The following PRKAR2A variants were observed in gnomAD, a reference collection of about 807,000 sequenced individuals.
PRKAR2A encodes the protein cAMP-dependent protein kinase type II-alpha regulatory subunit.
In PRKAR2A, 29 loss-of-function variants were observed where a neutral mutation model predicts 51.9. The observed-to-expected ratio is 0.56, with a 90% confidence interval of 0.42 to 0.76. The LOEUF is 0.76. Ranked by LOEUF, PRKAR2A falls within the 30% of genes least tolerant of loss-of-function variation. PRKAR2A has a pLI of 0.00. For synonymous variants in PRKAR2A, 178 were observed against 186.2 expected (o/e 0.96, Z 0.36); for missense variants, 445 against 512.1 (o/e 0.87, Z 1.26).
chr3:48,786,550 C>T (rs1002595207), intron 4 of PRKAR2A, among the ~76,000 whole-genome samples: 2 of 150,562 alleles, frequency 1.3e-5, no homozygotes, highest in African/African-American at 2.4e-5. Context: ...GTAATCCCAG[C>T]ACTTTGGGAG....
At chr3:48,813,910 G>A (rs1027380454) in intron 1 of PRKAR2A, among the ~76,000 whole-genome samples, 1 of 151,950 alleles carries the variant, frequency 6.6e-6, no homozygotes, top group African/African-American at 2.4e-5. Context: ...GATCACCTGA[G>A]GTCAGGAGTT....
intron 5 of PRKAR2A, among the ~76,000 whole-genome samples, chr3:48,773,574 G>A (rs1226733157): frequency 2.6e-5 from 4 of 151,680 alleles, no homozygotes; most frequent in Non-Finnish European, 1.5e-5. Context: ...TCCTGGCTTC[G>A]TGATCCGCCC....
intron 1 of PRKAR2A, among the ~76,000 whole-genome samples, chr3:48,844,695 G>C (rs2083433650): frequency 6.6e-6 from 1 of 150,946 alleles, no homozygotes; most frequent in African/African-American, 2.4e-5. Flanking sequence ...TAGGGACATG[G>C]ATGAAATTGG....
At chr3:48,793,145 G>A (rs996500027) in intron 3 of PRKAR2A, among the ~76,000 whole-genome samples, 3 of 151,712 alleles carry the variant, frequency 2.0e-5, no homozygotes, top group Non-Finnish European at 4.4e-5. Flanking sequence ...TTTACGAAAT[G>A]CTCTATAAAA....
chr3:48,831,365 C>CTTTT (rs539375236), intron 1 of PRKAR2A, among the ~76,000 whole-genome samples: 8 of 126,340 alleles, frequency 6.3e-5, no homozygotes, highest in African/African-American at 1.2e-4. Flanking sequence ...TCCAAAATAT[C>CTTTT]TTTTTTTTTT....
chr3:48,756,571 G>T, intron 8 of PRKAR2A, 127 bp from the exon 9 acceptor site: 1 of 687,546 alleles, frequency 1.5e-6, no homozygotes, highest in Non-Finnish European at 2.5e-6. Flanking sequence ...TGAATCAATA[G>T]TAAACAAATT....
At chr3:48,777,463 T>C (rs1472977025) in intron 5 of PRKAR2A, among the ~76,000 whole-genome samples, 2 of 152,194 alleles carry the variant, frequency 1.3e-5, no homozygotes, top group East Asian at 1.9e-4. Context: ...TGGAGTGCAG[T>C]GGCATGATCT....
rs570402036 is a variant in PRKAR2A, at chr3:48,764,070, C to T, written c.873+934G>A. ...CTGACCAATCTGAGCCTTTCCTCCT[C>T]GTAGTCTCAGTACTGGGTTCTAGGA... On this transcript the variant is annotated intron_variant, in intron 8 of 10. Transcript: ENST00000265563. Among the ~76,000 whole-genome samples, 37 of 152,294 alleles carry T rather than the reference C, an allele frequency of 2.4e-4. No homozygotes were observed. The South Asian group carries it at 7.5e-3, about 31-fold the overall frequency.
intron 9 of PRKAR2A, among the ~76,000 whole-genome samples, chr3:48,753,658 G>A (rs780433081): frequency 3.0e-4 from 46 of 152,166 alleles, no homozygotes; most frequent in Non-Finnish European, 6.2e-4. Context: ...ACCAGCTCCC[G>A]TATTACGCAG....
At chr3:48,785,906 T>C (rs2082283980) in intron 4 of PRKAR2A, among the ~76,000 whole-genome samples, 1 of 152,178 alleles carries the variant, frequency 6.6e-6, no homozygotes, top group Admixed American at 6.6e-5. Context: ...TGGGTATTCA[T>C]GTTATTATTC....
At chr3:48,840,140 C>A (rs2083353636) in intron 1 of PRKAR2A, among the ~76,000 whole-genome samples, 2 of 152,108 alleles carry the variant, frequency 1.3e-5, no homozygotes, top group African/African-American at 4.8e-5. Flanking sequence ...TTGTATCTGG[C>A]TCATTTCATT....
Position 48,782,002 on chromosome 3 carries a change from T to TA in PRKAR2A, c.542+983dup, listed in dbSNP as rs201727773. 3.9e-5 allele frequency among the ~76,000 whole-genome samples: 6 copies of TA among 152,312 alleles called. No homozygotes were observed. The East Asian group carries it at 7.7e-4, about 20-fold the overall frequency. ...CTGTAACTCTGAAATTACTTTAAGATAAAAAAACTATTTTTGTTTCCTTTT... is the reference window on the plus strand; with the variant it reads ...CTGTAACTCTGAAATTACTTTAAGATAAAAAAAACTATTTTTGTTTCCTTTT... On this transcript the variant is annotated intron_variant, in intron 5 of 10. Coordinates refer to ENST00000265563, the MANE Select transcript of PRKAR2A (RefSeq NM_004157.4).
chr3:48,778,515 TTTTTG>T (rs983011990), intron 5 of PRKAR2A, among the ~76,000 whole-genome samples: 9 of 151,600 alleles, frequency 5.9e-5, no homozygotes, highest in African/African-American at 2.2e-4. Flanking sequence ...TTTTTGTGTG[TTTTTG>T]TTTTGTTTTG....
intron 2 of PRKAR2A, among the ~76,000 whole-genome samples, chr3:48,800,428 G>T (rs989965053): frequency 2.0e-5 from 3 of 150,678 alleles, no homozygotes; most frequent in Non-Finnish European, 4.4e-5. Context: ...CAGAAAAATC[G>T]CTTGAACCCA....
intron 5 of PRKAR2A, among the ~76,000 whole-genome samples, chr3:48,777,266 A>C (rs968471561): frequency 6.6e-6 from 1 of 152,182 alleles, no homozygotes; most frequent in Non-Finnish European, 1.5e-5. Flanking sequence ...ATACCCTTTT[A>C]CTGTATATGT....
At chr3:48,817,995 G>C (rs1306237405) in intron 1 of PRKAR2A, among the ~76,000 whole-genome samples, 1 of 152,104 alleles carries the variant, frequency 6.6e-6, no homozygotes, top group Non-Finnish European at 1.5e-5. Context: ...ATCTACAAGA[G>C]GGGAGAAATC....
At chr3:48,770,514 G>C (rs549356867) in intron 6 of PRKAR2A, among the ~76,000 whole-genome samples, 21 of 152,254 alleles carry the variant, frequency 1.4e-4, no homozygotes, top group Non-Finnish European at 2.8e-4. Flanking sequence ...AAGTCAGGCT[G>C]GAGAGGACCT....
chr3:48,791,379 A>C (rs1382339875), intron 3 of PRKAR2A, among the ~76,000 whole-genome samples: 15 of 149,408 alleles, frequency 1.0e-4, no homozygotes, highest in Admixed American at 6.0e-4. Context: ...GGCGGATCAC[A>C]AGGTCAGGAG....
chr3:48,787,182 T>G (rs184758708), intron 4 of PRKAR2A, among the ~76,000 whole-genome samples: 24 of 80,390 alleles, frequency 3.0e-4, no homozygotes, highest in Admixed American at 4.5e-4. Flanking sequence ...ATTTATTTAT[T>G]TATTTATGTA....
Sources: allele counts gnomAD v4.1 joint callset (sites outside exome capture counted in the v4.1 genomes callset), GRCh38; gene constraint gnomAD v4.1.1; transcripts MANE v1.5; gene names NCBI Gene and HGNC (gene_info 2026-07-23, HGNC 2026-07-21).